The following ADRA1A variants were observed in gnomAD, a reference collection of about 807,000 sequenced individuals.
ADRA1A encodes adrenoceptor alpha 1A.
In ADRA1A, 31 loss-of-function variants were observed where a neutral mutation model predicts 29.6. That is an observed-to-expected ratio of 1.05 (90% confidence interval 0.79 to 1.41). The LOEUF is 1.41. Ranked by LOEUF, ADRA1A falls within the 40% of genes most tolerant of loss-of-function variation. The probability of loss-of-function intolerance (pLI) is 0.00; values close to 1 mark genes in which losing one functional copy is unlikely to be tolerated. For synonymous variants in ADRA1A, 311 were observed against 254.3 expected (o/e 1.22, Z -2.12); for missense variants, 619 against 601.1 (o/e 1.03, Z -0.31).
chr8:26,765,979 A>T (rs532967729), downstream of ADRA1A: 1 of 1,601,632 alleles, frequency 6.2e-7, no homozygotes, highest in Non-Finnish European at 8.5e-7. Context: ...AAGCGATGTC[A>T]CATAATACAT....
intron 2 of ADRA1A, among the ~76,000 whole-genome samples, chr8:26,800,534 C>A (rs1182040527): frequency 6.6e-6 from 1 of 152,104 alleles, no homozygotes; most frequent in Non-Finnish European, 1.5e-5. Flanking sequence ...ACACATACAA[C>A]CTACCAAGAC....
intron 2 of ADRA1A, among the ~76,000 whole-genome samples, chr8:26,814,978 A>G (rs1417815114): frequency 6.6e-6 from 1 of 152,212 alleles, no homozygotes; most frequent in East Asian, 1.9e-4. Context: ...TTTTCAGGTA[A>G]CAAGAAAAAT....
At chr8:26,822,767 G>A (rs1810267881) in intron 2 of ADRA1A, among the ~76,000 whole-genome samples, 1 of 152,198 alleles carries the variant, frequency 6.6e-6, no homozygotes, top group African/African-American at 2.4e-5. Context: ...GGCCATGCAG[G>A]AAGCATGGTG....
downstream of ADRA1A, chr8:26,756,278 C>A: frequency 8.0e-6 from 3 of 376,090 alleles, no homozygotes; most frequent in Admixed American, 1.4e-4. Context: ...TCTAAATGAA[C>A]AAGGCTTGTA....
In ADRA1A at chr8:26,828,131, C is replaced by T. The variant is rs1032462368; in HGVS notation, c.883+35956G>A. 6.6e-5 allele frequency among the ~76,000 whole-genome samples: 10 copies of T among 152,200 alleles called. No homozygotes were observed. The East Asian group carries it at 1.2e-3, about 18-fold the overall frequency. On this transcript the variant is annotated intron_variant, in intron 2 of 2. Transcript: ENST00000380573. ...CTGGTCTCAAACTCCTGAGCTCAAGCGATCTACCTACCTGGGCCTCCCAGG... is the reference window on the plus strand; with the variant it reads ...CTGGTCTCAAACTCCTGAGCTCAAGTGATCTACCTACCTGGGCCTCCCAGG...
At chr8:26,778,943 T>TA (rs368376563) in intron 2 of ADRA1A, 21,317 of 146,110 alleles carry the variant, frequency 0.15, 1,553 homozygotes, top group Middle Eastern at 0.22. Context: ...TAAAGTATAA[T>TA]AAAAAAAATA....
chr8:26,832,445 G>C (rs1009404629), intron 2 of ADRA1A, among the ~76,000 whole-genome samples: 1 of 152,048 alleles, frequency 6.6e-6, no homozygotes, highest in Non-Finnish European at 1.5e-5. Flanking sequence ...CCTTGATAGA[G>C]GAAAGGAGGA....
At chr8:26,799,656 A>G (rs1237525085) in intron 2 of ADRA1A, among the ~76,000 whole-genome samples, 3 of 152,178 alleles carry the variant, frequency 2.0e-5, no homozygotes, top group Non-Finnish European at 4.4e-5. Context: ...ATCCCAGATT[A>G]TGGAACAAGC....
At chr8:26,780,299 G>A (rs1248728026) in intron 2 of ADRA1A, among the ~76,000 whole-genome samples, 2 of 152,074 alleles carry the variant, frequency 1.3e-5, no homozygotes, top group Non-Finnish European at 2.9e-5. Flanking sequence ...TGCCTATGTT[G>A]GAGGCATTTG....
Position 26,775,284 on chromosome 8 carries a change from C to G in ADRA1A, c.884-4618G>C, listed in dbSNP as rs1806464265. ...TCACAGTGTGGCTTGGTTTTCTTTT[C>G]TGCGTGATGGCTGTAGCCTCATATT... On this transcript the variant is annotated intron_variant, in intron 2 of 2. Coordinates refer to ENST00000380573, the MANE Select transcript of ADRA1A (RefSeq NM_000680.4). The surrounding 1 kb of genome is among the most constrained non-coding windows in gnomAD (Gnocchi z 4.1). Among the ~76,000 whole-genome samples the G allele has an allele frequency of 6.6e-6, 1 of 152,202 alleles. No individual in the cohort carries two copies. The highest frequency in any genetic ancestry group is 2.4e-5 in the African/African-American group (1 of 41,448).
At position 26,825,380 on chromosome 8, in the gene ADRA1A, C is replaced by CA. The variant is rs931824656; in HGVS notation, c.883+38706dup. Among the ~76,000 whole-genome samples the CA allele has an allele frequency of 3.7e-5, 5 of 134,472 alleles. No individual in the cohort carries two copies. Among genetic ancestry groups the CA allele is most frequent in the African/African-American group, 1.1e-4 (4 of 36,950 alleles). 88.2% of individuals were successfully genotyped at this position (134,472 alleles called of 152,430 possible). A position where few individuals can be genotyped will look rare whatever the true frequency, so the allele number is the denominator to read the frequency against. On this transcript the variant is annotated intron_variant, in intron 2 of 2. Coordinates refer to ENST00000380573, the MANE Select transcript of ADRA1A (RefSeq NM_000680.4). This position sits in a 1 kb window ranked among gnomAD's most constrained non-coding sequence, Gnocchi z 5.7. ...CAAGTGGGAGAGTTTGGTTGTTTGA[C>CA]AAAAAATGGGGAGGGTGGGTAGGGA...
Position 26,831,963 on chromosome 8 carries a change from C to A in ADRA1A, c.883+32124G>T, listed in dbSNP as rs1221193826. ...TGTGGTTTGTAGGCTGGAGTGGGGA[C>A]AGAGGCCTGCTGGTCTCACCCCACA... On this transcript the variant is annotated intron_variant, in intron 2 of 2. Transcript: ENST00000380573. The surrounding 1 kb of genome is among the most constrained non-coding windows in gnomAD (Gnocchi z 5.2). Among the ~76,000 whole-genome samples, 2 of 152,292 alleles carry A rather than the reference C, an allele frequency of 1.3e-5. No homozygotes were observed. Among genetic ancestry groups the A allele is most frequent in the Middle Eastern group, 3.4e-3 (1 of 294 alleles).
chr8:26,788,934 A>T (rs1234475595), intron 2 of ADRA1A, among the ~76,000 whole-genome samples: 1 of 152,142 alleles, frequency 6.6e-6, no homozygotes, highest in East Asian at 1.9e-4. Context: ...GGTTAAAAAT[A>T]TATATTTTTA....
At chr8:26,804,576 C>T (rs888771775) in intron 2 of ADRA1A, among the ~76,000 whole-genome samples, 1 of 152,108 alleles carries the variant, frequency 6.6e-6, no homozygotes. Flanking sequence ...TCAGTATTTG[C>T]CTGGGGACAG....
intron 2 of ADRA1A, among the ~76,000 whole-genome samples, chr8:26,809,144 G>A (rs1406622954): frequency 6.6e-6 from 1 of 152,158 alleles, no homozygotes; most frequent in East Asian, 1.9e-4. Context: ...ATTTCAACGG[G>A]CATTTCCAAT....
intron 2 of ADRA1A, among the ~76,000 whole-genome samples, chr8:26,863,534 A>G (rs1054601530): frequency 6.6e-6 from 1 of 152,224 alleles, no homozygotes; most frequent in Non-Finnish European, 1.5e-5. Context: ...GTGGCTGACC[A>G]TAATTCCTTC....
chr8:26,787,489 G>A lies in ADRA1A; in HGVS notation c.884-16823C>T, dbSNP rs1266945387. Reference sequence around the variant, plus strand: ...CCTAAAAAACAATCAGGTAAGATTGGTCAGAAAGTATGATCTGTTATGTAT... The same window carrying A: ...CCTAAAAAACAATCAGGTAAGATTGATCAGAAAGTATGATCTGTTATGTAT... On this transcript the variant is annotated intron_variant, in intron 2 of 2. Transcript: ENST00000380573. The surrounding 1 kb of genome is among the most constrained non-coding windows in gnomAD (Gnocchi z 4.2). Among the ~76,000 whole-genome samples the A allele has an allele frequency of 6.6e-6, 1 of 152,118 alleles. No homozygotes were observed. The highest frequency in any genetic ancestry group is 2.4e-5 in the African/African-American group (1 of 41,422).
chr8:26,855,984 T>A (rs1379102404), intron 2 of ADRA1A, among the ~76,000 whole-genome samples: 1 of 152,248 alleles, frequency 6.6e-6, no homozygotes, highest in Non-Finnish European at 1.5e-5. Flanking sequence ...ATCCAAGTAA[T>A]AACTCACTTG....
chr8:26,780,361 C>T (rs1018950931), intron 2 of ADRA1A, among the ~76,000 whole-genome samples: 4 of 152,030 alleles, frequency 2.6e-5, no homozygotes, highest in Non-Finnish European at 2.9e-5. Context: ...TTCTTCCTGC[C>T]GCAGTAGACT....
Sources: allele counts gnomAD v4.1 joint callset (sites outside exome capture counted in the v4.1 genomes callset), GRCh38; gene constraint gnomAD v4.1.1; non-coding constraint Gnocchi (gnomAD v3.1); transcripts MANE v1.5; gene names NCBI Gene and HGNC (gene_info 2026-07-23, HGNC 2026-07-21).